Variants in C9 observed in about 807,000 individuals in gnomAD.
C9 encodes the protein complement C9.
In C9, 63 loss-of-function variants were observed where a neutral mutation model predicts 65.4. The observed-to-expected ratio is 0.96, with a 90% CI of 0.79 to 1.19. The LOEUF (loss-of-function observed/expected upper bound fraction) is 1.19. C9 is among the 50% of genes most tolerant of loss of function. C9 has a pLI of 0.00. For synonymous variants in C9, 229 were observed against 227.9 expected (o/e 1.00, Z -0.04); for missense variants, 744 against 670.1 (o/e 1.11, Z -1.22).
chr5:39,333,824 G>T (rs970878735), intron 4 of C9, among the ~76,000 whole-genome samples: 1 of 152,064 alleles, frequency 6.6e-6, no homozygotes, highest in African/African-American at 2.4e-5. Flanking sequence ...GTGTTGGCCG[G>T]GCTGGTCTCC....
In C9 at chr5:39,326,899, A is replaced by G. The variant is rs182584892; in HGVS notation, c.615+4777T>C. On this transcript the variant is annotated intron_variant, in intron 5 of 10. Coordinates refer to ENST00000263408, the MANE Select transcript of C9 (RefSeq NM_001737.5). Reference sequence around the variant, plus strand: ...AATTAAATATTTGTTTTTTGCCATCATTAGAAATATTAACTTACAGTGTTA... The same window carrying G: ...AATTAAATATTTGTTTTTTGCCATCGTTAGAAATATTAACTTACAGTGTTA... 2.7e-3 allele frequency among the ~76,000 whole-genome samples: 412 copies of G among 152,298 alleles called. 1 individual carries two copies. Among genetic ancestry groups the G allele is most frequent in the African/African-American group, 9.5e-3 (396 of 41,576 alleles).
intron 1 of C9, among the ~76,000 whole-genome samples, chr5:39,351,272 C>G (rs995687530): frequency 2.0e-5 from 3 of 152,278 alleles, no homozygotes; most frequent in African/African-American, 7.2e-5. Flanking sequence ...GATATCCAAG[C>G]CTGTGATGGA....
chr5:39,350,019 G>A (rs1208507902), intron 1 of C9, among the ~76,000 whole-genome samples: 1 of 152,138 alleles, frequency 6.6e-6, no homozygotes, highest in Admixed American at 6.5e-5. Flanking sequence ...AGGACTACCT[G>A]AGACAAGGTA....
chr5:39,286,419 A>G (rs552756470), intron 10 of C9, among the ~76,000 whole-genome samples: 2 of 152,210 alleles, frequency 1.3e-5, no homozygotes, highest in South Asian at 4.1e-4. Context: ...CCGTGAAGAT[A>G]TATTTAACAT....
chr5:39,302,098 G>A (rs564181622), intron 9 of C9, among the ~76,000 whole-genome samples: 18 of 152,202 alleles, frequency 1.2e-4, no homozygotes, highest in African/African-American at 3.4e-4. Flanking sequence ...TGTTGGAAGA[G>A]TTAAAGATGA....
At chr5:39,353,609 T>C (rs1754361720) in intron 1 of C9, among the ~76,000 whole-genome samples, 1 of 152,234 alleles carries the variant, frequency 6.6e-6, no homozygotes. Flanking sequence ...TCTTATAGCA[T>C]CTTGTTCTCA....
In C9 at chr5:39,308,350, G is replaced by T; in HGVS notation, c.1120C>A (p.Leu374Ile). The T allele has an allele frequency of 6.3e-7, 1 of 1,587,108 alleles. No individual in the cohort carries two copies. The highest frequency in any genetic ancestry group is 8.7e-7 in the Non-Finnish European group (1 of 1,155,590). ...CCAAGGCATCTCTTTATGTCTTTTA[G>T]TTCAACACCTGTTTAATGAATTTAT... ...KASMKRKGVE[L>I]KDIKRCLGYH... is the part of the protein sequence containing the mutation. Residue 374 changes from leucine to isoleucine, a missense_variant, in exon 8 of 11, where the codon CTA becomes ATA. By Grantham distance (5) the Leu-to-Ile change is conservative. Coordinates refer to ENST00000263408, the MANE Select transcript of C9 (RefSeq NM_001737.5).
chr5:39,306,410 T>C (rs578240470), intron 9 of C9, among the ~76,000 whole-genome samples: 155 of 152,076 alleles, frequency 1.0e-3, no homozygotes, highest in Non-Finnish European at 1.8e-3. Flanking sequence ...CCACACATAG[T>C]GAGAGACAGA....
intron 9 of C9, among the ~76,000 whole-genome samples, chr5:39,297,506 T>C (rs924709672): frequency 1.3e-5 from 2 of 151,610 alleles, no homozygotes; most frequent in African/African-American, 4.8e-5. Flanking sequence ...TCACTTTAAA[T>C]ACAAAGCTGT....
intron 5 of C9, among the ~76,000 whole-genome samples, chr5:39,327,079 C>A (rs1023816303): frequency 6.6e-6 from 1 of 151,998 alleles, no homozygotes; most frequent in African/African-American, 2.4e-5. Flanking sequence ...GAGAAAAAAT[C>A]AAAGCATATT....
chr5:39,345,452 C>T (rs934193935), intron 1 of C9, among the ~76,000 whole-genome samples: 2 of 152,182 alleles, frequency 1.3e-5, no homozygotes, highest in African/African-American at 4.8e-5. Context: ...GTAAAGGGAG[C>T]AATTCAACAA....
chr5:39,331,612 A>G (rs1274617811), intron 5 of C9, 64 bp downstream of exon 5: 1 of 1,394,172 alleles, frequency 7.2e-7, no homozygotes. Flanking sequence ...GTTTGGTACT[A>G]AACTTATTTA....
chr5:39,293,631 G>A (rs879615503), intron 9 of C9, among the ~76,000 whole-genome samples: 7 of 151,890 alleles, frequency 4.6e-5, no homozygotes, highest in East Asian at 1.9e-4. Context: ...CACTGTCAGC[G>A]TTGGAGAGAT....
chr5:39,346,540 A>G (rs1290137794), intron 1 of C9, among the ~76,000 whole-genome samples: 1 of 152,164 alleles, frequency 6.6e-6, no homozygotes, highest in East Asian at 1.9e-4. Flanking sequence ...TAGCCTACCA[A>G]CCAAAAAAAG....
At chr5:39,360,995 C>A (rs1042077759) in intron 1 of C9, among the ~76,000 whole-genome samples, 2 of 152,024 alleles carry the variant, frequency 1.3e-5, no homozygotes, top group African/African-American at 4.8e-5. Flanking sequence ...AACATTATTT[C>A]TAGTGCGAAA....
chr5:39,295,752 C>G (rs918565111), intron 9 of C9, among the ~76,000 whole-genome samples: 1 of 151,498 alleles, frequency 6.6e-6, no homozygotes, highest in East Asian at 1.9e-4. Context: ...AAAAACAAAG[C>G]TAGGAGTATC....
At chr5:39,299,684 G>A (rs780567506) in intron 9 of C9, among the ~76,000 whole-genome samples, 1 of 152,108 alleles carries the variant, frequency 6.6e-6, no homozygotes, top group Admixed American at 6.6e-5. Context: ...GGAGTTGATT[G>A]AAAATGGACA....
intron 9 of C9, among the ~76,000 whole-genome samples, chr5:39,295,198 C>T (rs892816847): frequency 6.6e-6 from 1 of 151,672 alleles, no homozygotes; most frequent in African/African-American, 2.4e-5. Context: ...TACTGGAAAT[C>T]CGAGCCAGAG....
intron 1 of C9, among the ~76,000 whole-genome samples, chr5:39,348,067 T>G (rs1415795609): frequency 6.6e-6 from 1 of 151,902 alleles, no homozygotes; most frequent in African/African-American, 2.4e-5. Context: ...CATAAAAACC[T>G]TAGAAGAAAA....
Sources: allele counts gnomAD v4.1 joint callset (sites outside exome capture counted in the v4.1 genomes callset), GRCh38; gene constraint gnomAD v4.1.1; transcripts MANE v1.5; gene names NCBI Gene and HGNC (gene_info 2026-07-23, HGNC 2026-07-21).